Variants in PRKACB observed in about 807,000 individuals in gnomAD.
The protein encoded by PRKACB is protein kinase cAMP-activated catalytic subunit beta, also known as cAMP-dependent protein kinase catalytic subunit beta.
A neutral mutation model predicts 51.4 loss-of-function variants in PRKACB; 16 were observed. That is an observed-to-expected ratio of 0.31 (90% confidence interval 0.21 to 0.47). The LOEUF (loss-of-function observed/expected upper bound fraction) is 0.47. PRKACB is among the 20% of genes least tolerant of loss of function. The pLI is 1.00. For missense variants in PRKACB, 309 were observed against 464.5 expected (o/e 0.67, Z 3.08); for synonymous variants, 147 against 154.4 (o/e 0.95, Z 0.35).
At chr1:84,195,459 G>A (rs759874346) in intron 5 of PRKACB, among the ~76,000 whole-genome samples, 70 of 152,268 alleles carry the variant, frequency 4.6e-4, no homozygotes, top group Admixed American at 9.8e-4. Context: ...GTTGTTCACT[G>A]AGGAAACAAA....
chr1:84,180,206 A>ATATATATATATG (rs1553173784), intron 2 of PRKACB, among the ~76,000 whole-genome samples: 9 of 127,148 alleles, frequency 7.1e-5, no homozygotes, highest in African/African-American at 2.5e-4. Flanking sequence ...ATATATATAT[A>ATATATATATATG]TATGTATGAT....
In PRKACB at chr1:84,232,052, G is replaced by A. The variant is rs1283126098; in HGVS notation, c.1072-3128G>A. ...GGATCTTTCCTGCTTTCTCTTGTGGGCATTTAGTGCCATAAATTTCCCTCC... is the reference window on the plus strand; with the variant it reads ...GGATCTTTCCTGCTTTCTCTTGTGGACATTTAGTGCCATAAATTTCCCTCC... On this transcript the variant is annotated intron_variant, in intron 9 of 9. Coordinates refer to ENST00000370685, the MANE Select transcript of PRKACB (RefSeq NM_182948.4). Among the ~76,000 whole-genome samples the A allele has an allele frequency of 2.6e-5, 4 of 151,038 alleles. No individual in the cohort carries two copies. The East Asian group carries it at 7.8e-4, about 29-fold the overall frequency.
intron 1 of PRKACB, among the ~76,000 whole-genome samples, chr1:84,078,684 A>G (rs752587145): frequency 3.9e-5 from 6 of 152,196 alleles, no homozygotes; most frequent in Non-Finnish European, 8.8e-5. Context: ...GTCCGAGGAA[A>G]GAAGTCCCTA....
chr1:84,137,658 T>C (rs746812342), intron 1 of PRKACB, among the ~76,000 whole-genome samples: 27 of 152,000 alleles, frequency 1.8e-4, no homozygotes, highest in Non-Finnish European at 3.7e-4. Flanking sequence ...ATAAGTGGAG[T>C]CCGTAAGACT....
intron 1 of PRKACB, among the ~76,000 whole-genome samples, chr1:84,114,050 C>G (rs1557954445): frequency 6.6e-6 from 1 of 152,006 alleles, no homozygotes; most frequent in South Asian, 2.1e-4. Flanking sequence ...TTACTGTAAC[C>G]TGGGATGGTA....
chr1:84,162,023 G>A (rs1367136194), intron 1 of PRKACB, among the ~76,000 whole-genome samples: 1 of 151,946 alleles, frequency 6.6e-6, no homozygotes, highest in African/African-American at 2.4e-5. Context: ...GTTTCTCTGG[G>A]AATCTTTCAT....
At chr1:84,196,149 G>A (rs944522432) in intron 5 of PRKACB, among the ~76,000 whole-genome samples, 3 of 151,974 alleles carry the variant, frequency 2.0e-5, no homozygotes, top group Admixed American at 2.0e-4. Context: ...TGGGTAAAAT[G>A]GCATTAATCT....
At chr1:84,100,513 A>G (rs78270709) in intron 1 of PRKACB, among the ~76,000 whole-genome samples, 2,018 of 152,312 alleles carry the variant, frequency 0.013, 55 homozygotes, top group African/African-American at 0.046. Flanking sequence ...TAGTAAGAAT[A>G]CTGAGGCTTA....
intron 1 of PRKACB, among the ~76,000 whole-genome samples, chr1:84,162,639 A>G (rs1656347885): frequency 6.6e-6 from 1 of 151,992 alleles, no homozygotes; most frequent in South Asian, 2.1e-4. Flanking sequence ...ATTTTTAAAT[A>G]GTTTTTCTTT....
chr1:84,169,267 C>T (rs956573549), intron 1 of PRKACB, among the ~76,000 whole-genome samples: 11 of 151,466 alleles, frequency 7.3e-5, no homozygotes, highest in Non-Finnish European at 3.0e-5. Context: ...ATTATAGATG[C>T]CATCTGTGTT....
At chr1:84,103,973 G>C (rs968826570) in intron 1 of PRKACB, among the ~76,000 whole-genome samples, 1 of 152,082 alleles carries the variant, frequency 6.6e-6, no homozygotes. Flanking sequence ...CTTTGTGTTA[G>C]GAACATTTAA....
intron 6 of PRKACB, 143 bp downstream of exon 6, chr1:84,196,885 T>TG: frequency 1.1e-6 from 1 of 912,118 alleles, no homozygotes; most frequent in Non-Finnish European, 1.6e-6. Flanking sequence ...TTTGCTGCTA[T>TG]TACAGAGAAG....
At chr1:84,168,971 C>A (rs1658469458) in intron 1 of PRKACB, among the ~76,000 whole-genome samples, 1 of 151,516 alleles carries the variant, frequency 6.6e-6, no homozygotes, top group African/African-American at 2.4e-5. Flanking sequence ...GGATTACTTA[C>A]CTGATAATGT....
chr1:84,228,705 T>C (rs1675061971), intron 9 of PRKACB, among the ~76,000 whole-genome samples: 1 of 152,096 alleles, frequency 6.6e-6, no homozygotes, highest in Admixed American at 6.5e-5. Context: ...TCTCAGAAAG[T>C]TTTGATGGCC....
intron 1 of PRKACB, among the ~76,000 whole-genome samples, chr1:84,094,765 G>T (rs998077768): frequency 2.6e-5 from 4 of 151,674 alleles, no homozygotes; most frequent in Non-Finnish European, 5.9e-5. Flanking sequence ...TGAATTCAAG[G>T]TATTCTGTAT....
At chr1:84,233,097 A>T (rs1676018062) in intron 9 of PRKACB, among the ~76,000 whole-genome samples, 2 of 151,746 alleles carry the variant, frequency 1.3e-5, no homozygotes, top group South Asian at 4.2e-4. Flanking sequence ...GAGCTCTTTT[A>T]GGGCAGGCCT....
chr1:84,183,617 A>G (rs997047476), intron 3 of PRKACB, among the ~76,000 whole-genome samples: 3 of 151,822 alleles, frequency 2.0e-5, no homozygotes, highest in African/African-American at 7.2e-5. Flanking sequence ...GCCAGCTTTT[A>G]TAGAGGACTT....
intron 1 of PRKACB, among the ~76,000 whole-genome samples, chr1:84,103,454 A>C (rs1557935076): frequency 6.6e-6 from 1 of 152,116 alleles, no homozygotes; most frequent in Admixed American, 6.6e-5. Flanking sequence ...AGAAAGAAAG[A>C]GAGAGATTGG....
chr1:84,094,214 T>G (rs1648748740), intron 1 of PRKACB, among the ~76,000 whole-genome samples: 1 of 151,966 alleles, frequency 6.6e-6, no homozygotes. Flanking sequence ...AGGCAGAAAA[T>G]TTTTAAGATA....
Sources: gnomAD v4.1 joint callset for allele counts (sites outside exome capture counted in the v4.1 genomes callset) on GRCh38, gnomAD v4.1.1 for gene constraint, MANE v1.5 for transcripts, NCBI Gene and HGNC (gene_info 2026-07-23, HGNC 2026-07-21) for gene names.